The following OTUD7A variants were observed in gnomAD, a reference collection of about 807,000 sequenced individuals.
OTUD7A encodes the protein OTU domain-containing protein 7A.
In OTUD7A, 12 loss-of-function variants were observed where a neutral mutation model predicts 65.7. That is an observed-to-expected ratio of 0.18 (90% CI 0.12 to 0.30). The LOEUF (loss-of-function observed/expected upper bound fraction) is 0.30. Ranked by LOEUF, OTUD7A falls within the 10% of genes least tolerant of loss-of-function variation. OTUD7A has a pLI of 1.00. For synonymous variants in OTUD7A, 641 were observed against 586.3 expected, an observed-to-expected ratio of 1.09 and a Z score of -1.35; for missense variants, 1,148 against 1,304.8, an observed-to-expected ratio of 0.88 and a Z score of 1.85.
At chr15:31,733,412 G>A (rs1007638375) in intron 1 of OTUD7A, among the ~76,000 whole-genome samples, 2 of 152,028 alleles carry the variant, frequency 1.3e-5, no homozygotes, top group African/African-American at 2.4e-5. Flanking sequence ...CTTCTGCCTG[G>A]GTGTTCTTTC....
rs398026753 is a variant in OTUD7A, at chr15:31,564,387, G to GTTTTTTTTTTTTTTTTTT, written c.332-5201_332-5200insAAAAAAAAAAAAAAAAAA. Among the ~76,000 whole-genome samples, 92 of 119,872 alleles carry GTTTTTTTTTTTTTTTTTT rather than the reference G, an allele frequency of 7.7e-4. 2 individuals carry two copies. Among genetic ancestry groups the GTTTTTTTTTTTTTTTTTT allele is most frequent in the African/African-American group, 1.9e-3 (67 of 35,000 alleles). The allele number at this position is 119,872 out of a possible 152,430, so 78.6% of individuals were successfully genotyped here. On this transcript the variant is annotated intron_variant, in intron 4 of 12. Transcript: ENST00000307050. ...TTTTTGGAAGTAGTCTTTGAGGAAG[G>GTTTTTTTTTTTTTTTTTT]TTTTTTTTTTTTTAGCAAAAGAGAA...
intron 1 of OTUD7A, among the ~76,000 whole-genome samples, chr15:31,788,481 G>A (rs1365186338): frequency 6.6e-6 from 1 of 152,218 alleles, no homozygotes; most frequent in East Asian, 1.9e-4. Context: ...GATGGGCAAA[G>A]AGAACAACCT....
intron 3 of OTUD7A, among the ~76,000 whole-genome samples, chr15:31,646,617 C>T (rs1311435609): frequency 6.6e-5 from 10 of 151,894 alleles, no homozygotes; most frequent in African/African-American, 9.7e-5. Flanking sequence ...TGCACCACCA[C>T]GCCTGGCTAA....
chr15:31,838,059 T>C (rs1004879952), intron 1 of OTUD7A, among the ~76,000 whole-genome samples: 14 of 152,174 alleles, frequency 9.2e-5, no homozygotes, highest in Non-Finnish European at 1.5e-4. Context: ...GCTGGAGCAA[T>C]TGCACATCCA....
chr15:31,558,762 C>G (rs547199394), intron 5 of OTUD7A: 1 of 608,998 alleles, frequency 1.6e-6, no homozygotes, highest in Non-Finnish European at 2.9e-6. Context: ...TCAGCACCAC[C>G]TAGTTATCGG....
chr15:31,802,402 C>T (rs1896158710), intron 1 of OTUD7A, among the ~76,000 whole-genome samples: 2 of 152,098 alleles, frequency 1.3e-5, no homozygotes, highest in Non-Finnish European at 2.9e-5. Context: ...TTAGATTGTG[C>T]CCACCCAGAT....
At chr15:31,638,564 T>G (rs914728507) in intron 3 of OTUD7A, among the ~76,000 whole-genome samples, 17 of 102,858 alleles carry the variant, frequency 1.7e-4, no homozygotes, top group Non-Finnish European at 3.2e-4. Flanking sequence ...AGGTTTTTGT[T>G]TTTTTTTTTT....
intron 3 of OTUD7A, among the ~76,000 whole-genome samples, chr15:31,595,101 C>T (rs1421931134): frequency 1.3e-5 from 2 of 152,162 alleles, no homozygotes; most frequent in African/African-American, 2.4e-5. Context: ...ATTTGGAGGG[C>T]AGCATTCTTG....
At chr15:31,734,381 CT>C (rs1478591370) in intron 1 of OTUD7A, among the ~76,000 whole-genome samples, 1 of 152,120 alleles carries the variant, frequency 6.6e-6, no homozygotes, top group Non-Finnish European at 1.5e-5. Context: ...CATTGAGATT[CT>C]TCATAGAACT....
In OTUD7A at chr15:31,484,310, G is replaced by C. The variant is rs768298436; in HGVS notation, c.1786C>G (p.Pro596Ala). Residue 596 changes from proline (P) to alanine (A), a missense_variant, in exon 13 of 13, where the codon CCG (proline) becomes GCG (alanine). By Grantham distance (27) the Pro-to-Ala change is conservative (BLOSUM62 -1). Around this residue, in one of 6 missense-constraint regions of OTUD7A, gnomAD observed 842 missense variants for 769.5 expected, o/e 1.09. Transcript: ENST00000307050. This position sits in a 1 kb window ranked among gnomAD's most constrained non-coding sequence, Gnocchi z 4.5. ...CCCGCTGCCTTGTCTGTGGGCGACG[G>C]CGTGGTCTTTTCCGACGGCGACGTG... ...ASTSPSEKTT[P>A]SPTDKAAGAS... is the part of the protein sequence containing the mutation. 1.9e-6 allele frequency: 3 copies of C among 1,597,604 alleles called. No homozygotes were observed. In the Admixed American group the frequency reaches 5.1e-5, roughly 27 times the overall value.
intron 1 of OTUD7A, among the ~76,000 whole-genome samples, chr15:31,742,957 C>A (rs1367110316): frequency 6.6e-6 from 1 of 151,906 alleles, no homozygotes; most frequent in Non-Finnish European, 1.5e-5. Context: ...ATATATAAAG[C>A]AAAATATGAC....
intron 3 of OTUD7A, among the ~76,000 whole-genome samples, chr15:31,637,799 G>A (rs1294308139): frequency 1.3e-5 from 2 of 152,210 alleles, no homozygotes; most frequent in African/African-American, 2.4e-5. Flanking sequence ...AACTGCAGAT[G>A]TGGTGGAAGA....
chr15:31,522,997 G>A (rs1416497931), intron 8 of OTUD7A, among the ~76,000 whole-genome samples: 3 of 152,212 alleles, frequency 2.0e-5, no homozygotes, highest in South Asian at 2.1e-4. Context: ...ACCCTCATCC[G>A]TGGGGAACAG....
chr15:31,695,180 G>A (rs571820017), intron 1 of OTUD7A, among the ~76,000 whole-genome samples: 1 of 147,702 alleles, frequency 6.8e-6, no homozygotes, highest in African/African-American at 2.4e-5. Context: ...ATCTTTGGAT[G>A]AGCACAGGGT....
At position 31,559,004 on chromosome 15, in the gene OTUD7A, A is replaced by G; in HGVS notation, c.515T>C (p.Ile172Thr). The G allele has an allele frequency of 6.2e-7, 1 of 1,614,242 alleles. No homozygotes were observed. The highest frequency in any genetic ancestry group is 8.5e-7 in the Non-Finnish European group (1 of 1,180,042). ...CAAAGCCACCATTGTTGCCTGCTCG[A>G]TCAAGTCCCGCTCGATGAAGCTCCT... is the stretch of plus-strand genomic sequence containing the variant. ...DFRSFIERDL[I>T]EQATMVALEQ... Residue 172 changes from isoleucine to threonine, a missense_variant, in exon 5 of 13, where the codon ATC becomes ACC. Physicochemically the swap from Ile to Thr is moderately conservative, Grantham distance 89. This residue lies in a region of OTUD7A where 134 missense variants were observed against 252.6 expected (regional missense o/e 0.53). Coordinates refer to ENST00000307050, the MANE Select transcript of OTUD7A (RefSeq NM_001382637.1).
chr15:31,588,658 T>C (rs1490223560), intron 3 of OTUD7A, among the ~76,000 whole-genome samples: 1 of 152,216 alleles, frequency 6.6e-6, no homozygotes, highest in Admixed American at 6.5e-5. Flanking sequence ...CCTATTCCTT[T>C]CTGCACACAG....
At chr15:31,625,174 G>A (rs8025024) in intron 3 of OTUD7A, among the ~76,000 whole-genome samples, 27,034 of 152,104 alleles carry the variant, frequency 0.18, 2,616 homozygotes, top group East Asian at 0.25. Flanking sequence ...GTGAAGAATT[G>A]AGGCCACCAG....
chr15:31,803,029 G>C, intron 1 of OTUD7A, among the ~76,000 whole-genome samples: 1 of 152,172 alleles, frequency 6.6e-6, no homozygotes, highest in Non-Finnish European at 1.5e-5. Context: ...AGGATCAAGG[G>C]GCAGGTCTGT....
chr15:31,520,893 A>G (rs1208338861), intron 8 of OTUD7A, among the ~76,000 whole-genome samples: 1 of 152,252 alleles, frequency 6.6e-6, no homozygotes, highest in Non-Finnish European at 1.5e-5. Context: ...GTGTCCATCA[A>G]CGTAGGATTA....
Sources: allele counts gnomAD v4.1 joint callset (sites outside exome capture counted in the v4.1 genomes callset), GRCh38; gene constraint gnomAD v4.1.1; regional missense constraint gnomAD v4.1.1; non-coding constraint Gnocchi (gnomAD v3.1); transcripts MANE v1.5; gene names NCBI Gene and HGNC (gene_info 2026-07-23, HGNC 2026-07-21).